The following TTC34 variants were observed in gnomAD, a reference collection of about 807,000 sequenced individuals.
TTC34 encodes tetratricopeptide repeat domain 34, also known as tetratricopeptide repeat protein 34.
A neutral mutation model predicts 40.7 loss-of-function variants in TTC34; 44 were observed. The ratio of observed to expected loss-of-function variants is 1.08; its 90% CI spans 0.85 to 1.39. The LOEUF (loss-of-function observed/expected upper bound fraction) is 1.39. Ranked by LOEUF, TTC34 falls within the 40% of genes most tolerant of loss-of-function variation. TTC34 has a pLI of 0.00. For missense variants in TTC34, 884 were observed against 838.0 expected (o/e 1.05, Z -0.68); for synonymous variants, 422 against 398.6 (o/e 1.06, Z -0.70).
chr1:2,789,763 C>G, exon 3 of TTC34: 2 of 623,250 alleles, frequency 3.2e-6, no homozygotes, highest in Non-Finnish European at 4.9e-6. Flanking sequence ...CCCGGCCGCA[C>G]AGCGCGCGCA....
At position 2,787,879 on chromosome 1, in the gene TTC34, C is replaced by T. The variant is rs112038768; in HGVS notation, c.1629-173G>A. Among the ~76,000 whole-genome samples the T allele has an allele frequency of 7.7e-3, 1,174 of 152,356 alleles. 5 individuals are homozygous for T. Among genetic ancestry groups the T allele is most frequent in the Middle Eastern group, 0.02 (6 of 294 alleles). On this transcript the variant is annotated intron_variant, in intron 3 of 8. Transcript: ENST00000401095. ...AGCCAAAGGTGCCCTTCCTAGCATG[C>T]GGCCCTCACGCTCTCCCTTGCCCTT...
chr1:2,773,052 G>GGCGAGCATCTGACAGCCTGGAGCAGCACC (rs1642533908), intron 6 of TTC34, among the ~76,000 whole-genome samples: 10 of 114,222 alleles, frequency 8.8e-5, no homozygotes, highest in East Asian at 2.8e-4. Context: ...GGAGCAGCAC[G>GGCGAGCATCTGACAGCCTGGAGCAGCACC]CACACCCCCA....
intron 6 of TTC34, among the ~76,000 whole-genome samples, chr1:2,694,869 CA>C: frequency 9.7e-6 from 1 of 103,388 alleles, no homozygotes; most frequent in Non-Finnish European, 2.2e-5. Flanking sequence ...GCAGCACCCA[CA>C]ACCACAGGTG....
At chr1:2,760,005 C>G (rs1469145793) in intron 6 of TTC34, among the ~76,000 whole-genome samples, 3,232 of 82,380 alleles carry the variant, frequency 0.039, 2 homozygotes, top group African/African-American at 0.057. Context: ...CCCACAACCA[C>G]AGGTGAGCAT....
exon 8 of TTC34, chr1:2,644,443 C>T: frequency 6.5e-7 from 1 of 1,535,056 alleles, no homozygotes; most frequent in South Asian, 1.2e-5. Context: ...CGGTGCAGGG[C>T]TTTTTCCAGG....
chr1:2,695,735 A>G (rs1640832417), intron 6 of TTC34, among the ~76,000 whole-genome samples: 1 of 148,832 alleles, frequency 6.7e-6, no homozygotes, highest in Non-Finnish European at 1.5e-5. Flanking sequence ...AGCAGCTGAA[A>G]TCCTGGAACA....
At chr1:2,648,459 G>T (rs1639062239) in intron 6 of TTC34, among the ~76,000 whole-genome samples, 1 of 152,170 alleles carries the variant, frequency 6.6e-6, no homozygotes, top group African/African-American at 2.4e-5. Flanking sequence ...GTTCAGAAAA[G>T]CCTCTCTGCG....
Position 2,677,702 on chromosome 1 carries a change from C to T in TTC34, c.2227-32139G>A, listed in dbSNP as rs112850036. Among the ~76,000 whole-genome samples the T allele has an allele frequency of 6.5e-3, 316 of 48,608 alleles. 1 individual carries two copies. The highest frequency in any genetic ancestry group is 0.014 in the Middle Eastern group (1 of 72). The allele number at this position is 48,608 out of a possible 152,430, so 31.9% of individuals were successfully genotyped here. A position where few individuals can be genotyped will look rare whatever the true frequency, so the allele number is the denominator to read the frequency against. Reference sequence around the variant, plus strand: ...AACAGCACCCATACGCCCAGATGAGCATCTGACAGCCTGGAACAGCACCCT... The same window carrying T: ...AACAGCACCCATACGCCCAGATGAGTATCTGACAGCCTGGAACAGCACCCT... On this transcript the variant is annotated intron_variant, in intron 6 of 8. Coordinates refer to ENST00000401095, the Ensembl canonical transcript of TTC34.
At chr1:2,655,984 A>C (rs1230317003) in intron 6 of TTC34, among the ~76,000 whole-genome samples, 1 of 151,828 alleles carries the variant, frequency 6.6e-6, no homozygotes, top group Non-Finnish European at 1.5e-5. Flanking sequence ...CCCCCAGGCG[A>C]GCATCTGAAC....
intron 6 of TTC34, among the ~76,000 whole-genome samples, chr1:2,688,001 C>CCTG (rs1640443874): frequency 9.3e-6 from 1 of 107,454 alleles, no homozygotes; most frequent in African/African-American, 3.4e-5. Context: ...GGAACAGGAC[C>CCTG]CACACCCCCA....
intron 6 of TTC34, among the ~76,000 whole-genome samples, chr1:2,759,241 C>T (rs1284435290): frequency 5.7e-5 from 1 of 17,422 alleles, no homozygotes; most frequent in Admixed American, 6.1e-4. Flanking sequence ...CCTGCACCCC[C>T]GGTGCGCACG....
At chr1:2,657,414 C>T (rs1490216292) in intron 6 of TTC34, among the ~76,000 whole-genome samples, 1 of 90,274 alleles carries the variant, frequency 1.1e-5, no homozygotes, top group East Asian at 2.5e-4. Flanking sequence ...CGGAGCAGTA[C>T]CAGTACCCCC....
intron 6 of TTC34, among the ~76,000 whole-genome samples, chr1:2,692,034 A>C (rs1640643302): frequency 8.0e-6 from 1 of 124,378 alleles, no homozygotes; most frequent in Non-Finnish European, 1.8e-5. Context: ...CCCCCAGGTG[A>C]GCATCTGACA....
chr1:2,675,648 A>T (rs1440003400), intron 6 of TTC34, among the ~76,000 whole-genome samples: 2 of 86,674 alleles, frequency 2.3e-5, no homozygotes, highest in African/African-American at 4.0e-5. Context: ...CCACACCCCC[A>T]GGTGAGCATC....
At chr1:2,751,076 ACC>A (rs1641303612) in intron 6 of TTC34, among the ~76,000 whole-genome samples, 1 of 98,744 alleles carries the variant, frequency 1.0e-5, no homozygotes, top group Non-Finnish European at 1.9e-5. Flanking sequence ...AGACTGGAAC[ACC>A]TCCCACATGC....
At chr1:2,749,405 CCCA>C (rs1641244146) in intron 6 of TTC34, among the ~76,000 whole-genome samples, 1 of 130,390 alleles carries the variant, frequency 7.7e-6, no homozygotes, top group Non-Finnish European at 1.6e-5. Context: ...ACCCTGCACC[CCCA>C]GGTGCGCACG....
intron 6 of TTC34, among the ~76,000 whole-genome samples, chr1:2,683,220 G>C (rs76926500): frequency 1.7e-5 from 2 of 119,140 alleles, no homozygotes; most frequent in African/African-American, 6.0e-5. Flanking sequence ...AGCCTGGGTC[G>C]GCACCCACAC....
At chr1:2,775,281 A>G (rs1222727755) in intron 6 of TTC34, 1 of 150,770 alleles carries the variant, frequency 6.6e-6, no homozygotes, top group Non-Finnish European at 1.5e-5. Flanking sequence ...CCAGGTGAGC[A>G]TCCGACAGCC....
At chr1:2,749,457 TCTGAC>T (rs1641246154) in intron 6 of TTC34, among the ~76,000 whole-genome samples, 1 of 106,888 alleles carries the variant, frequency 9.4e-6, no homozygotes, top group Non-Finnish European at 1.9e-5. Context: ...CAGGTGAGCA[TCTGAC>T]GGCCTGGAAC....
Sources: gnomAD v4.1 joint callset for allele counts (sites outside exome capture counted in the v4.1 genomes callset) on GRCh38, gnomAD v4.1.1 for gene constraint, MANE v1.5 for transcripts, NCBI Gene and HGNC (gene_info 2026-07-23, HGNC 2026-07-21) for gene names.